Variants in B4GALT6 observed in about 807,000 individuals in gnomAD.
The protein encoded by B4GALT6 is beta-1,4-galactosyltransferase 6, also known as UDP-Gal:beta-GlcNAc beta-1,4-galactosyltransferase 6.
In B4GALT6, 14 loss-of-function variants were observed where a neutral mutation model predicts 46.3. The observed-to-expected ratio is 0.30, with a 90% CI of 0.20 to 0.47. The LOEUF (loss-of-function observed/expected upper bound fraction) is 0.47. Among genes scored for constraint, B4GALT6 ranks in the 20% least tolerant of loss-of-function variants. The probability of loss-of-function intolerance (pLI) is 0.99; values close to 1 mark genes in which losing one functional copy is unlikely to be tolerated. For missense variants in B4GALT6, 386 were observed against 480.1 expected (o/e 0.80, Z 1.83); for synonymous variants, 168 against 162.0 (o/e 1.04, Z -0.28).
intron 3 of B4GALT6, among the ~76,000 whole-genome samples, chr18:31,651,645 G>C (rs1474536238): frequency 6.6e-6 from 1 of 152,106 alleles, no homozygotes; most frequent in Non-Finnish European, 1.5e-5. Context: ...CCTCAGGGGA[G>C]GAGGCATTCC....
intron 1 of B4GALT6, among the ~76,000 whole-genome samples, chr18:31,674,141 T>C (rs183597964): frequency 6.5e-4 from 99 of 152,348 alleles, no homozygotes; most frequent in African/African-American, 2.2e-3. Context: ...TAATGTGTTA[T>C]GGCAGCCTTA....
At chr18:31,717,761 C>T in the B4GALT6 span, among the ~76,000 whole-genome samples, 2 of 152,018 alleles carry the variant, frequency 1.3e-5, no homozygotes, top group Non-Finnish European at 2.9e-5. Context: ...TCGAGACCAG[C>T]CTGACCAACA....
Position 31,630,890 on chromosome 18 carries a change from T to C in B4GALT6, c.776+69A>G, listed in dbSNP as rs2073778593. ...TCTCTCAGATTTAGGGACATAACGC[T>C]GCTACCATTTCAATGCTATGACTGT... On this transcript the variant is annotated intron_variant, in intron 6 of 8. Transcript: ENST00000306851. 3.3e-6 allele frequency: 5 copies of C among 1,524,726 alleles called. No individual in the cohort carries two copies. The South Asian group carries it at 3.4e-5, about 10-fold the overall frequency. 94.4% of individuals were successfully genotyped at this position (1,524,726 alleles called of 1,614,324 possible).
At chr18:31,706,928 G>T in the B4GALT6 span, among the ~76,000 whole-genome samples, 1 of 152,144 alleles carries the variant, frequency 6.6e-6, no homozygotes, top group Non-Finnish European at 1.5e-5. Flanking sequence ...TACCTAAATT[G>T]CAGGAGTTGC....
Position 31,661,729 on chromosome 18 carries a change from C to T in B4GALT6, c.233-3640G>A, listed in dbSNP as rs77223035. Among the ~76,000 whole-genome samples the T allele has an allele frequency of 9.4e-3, 1,431 of 152,162 alleles. 40 individuals are homozygous for T. In the East Asian group the frequency reaches 0.1, roughly 11 times the overall value. On this transcript the variant is annotated intron_variant, in intron 2 of 8. Coordinates refer to ENST00000306851, the MANE Select transcript of B4GALT6 (RefSeq NM_004775.5). ...AATAAGGTTGTCCTTGGATGTACAA[C>T]TATGATATAACAATATTTTAAAATA...
In B4GALT6 at chr18:31,644,633, T is replaced by C. The variant is rs561354474; in HGVS notation, c.471+722A>G. Among the ~76,000 whole-genome samples, 18 of 152,352 alleles carry C rather than the reference T, an allele frequency of 1.2e-4. No individual in the cohort carries two copies. In the East Asian group the frequency reaches 3.3e-3, roughly 28 times the overall value. ...CAAACGTAGTAACATTAGATGAATA[T>C]GCACTTGTTAACCAATTTCACAGCT... On this transcript the variant is annotated intron_variant, in intron 4 of 8. Coordinates refer to ENST00000306851, the MANE Select transcript of B4GALT6 (RefSeq NM_004775.5).
intron 4 of B4GALT6, among the ~76,000 whole-genome samples, chr18:31,642,141 T>C (rs953755181): frequency 3.9e-5 from 6 of 152,200 alleles, no homozygotes; most frequent in East Asian, 1.9e-4. Context: ...TTCCCACCAA[T>C]AGAATCAGAA....
chr18:31,626,213 A>G (rs982176647), intron 8 of B4GALT6, 70 bp downstream of exon 8: 1 of 914,744 alleles, frequency 1.1e-6, no homozygotes, highest in Non-Finnish European at 1.6e-6. Context: ...GGTTCAATGC[A>G]TTTTTATTTA....
At chr18:31,661,046 G>T (rs936813817) in intron 2 of B4GALT6, among the ~76,000 whole-genome samples, 5 of 152,176 alleles carry the variant, frequency 3.3e-5, no homozygotes, top group Admixed American at 2.6e-4. Flanking sequence ...ATCAGCGATA[G>T]ATTAAGACGG....
intron 4 of B4GALT6, 98 bp downstream of exon 4, chr18:31,645,255 CAA>C: frequency 6.7e-7 from 1 of 1,489,080 alleles, no homozygotes; most frequent in East Asian, 2.3e-5. Context: ...TTAAATTTAT[CAA>C]GACTTAAAGA....
chr18:31,720,912 G>A, the B4GALT6 span, among the ~76,000 whole-genome samples: 1 of 152,160 alleles, frequency 6.6e-6, no homozygotes, highest in African/African-American at 2.4e-5. Flanking sequence ...TGAGGCAGGG[G>A]GAAGTGTTTA....
chr18:31,648,419 G>C (rs541129474), intron 3 of B4GALT6, among the ~76,000 whole-genome samples: 1 of 152,324 alleles, frequency 6.6e-6, no homozygotes, highest in East Asian at 1.9e-4. Context: ...CAGGAGAACT[G>C]AGTGTCTGAA....
chr18:31,678,336 T>C (rs2074438901), intron 1 of B4GALT6, among the ~76,000 whole-genome samples: 1 of 151,972 alleles, frequency 6.6e-6, no homozygotes, highest in African/African-American at 2.4e-5. Context: ...TTTTTTTTCC[T>C]CTCTCTCTCT....
the B4GALT6 span, among the ~76,000 whole-genome samples, chr18:31,705,885 A>T: frequency 1.3e-5 from 2 of 152,296 alleles, no homozygotes; most frequent in East Asian, 3.9e-4. Flanking sequence ...CGTTTTTCTG[A>T]AATGCCTATA....
At chr18:31,693,742 A>C in the B4GALT6 span, among the ~76,000 whole-genome samples, 1 of 152,092 alleles carries the variant, frequency 6.6e-6, no homozygotes, top group African/African-American at 2.4e-5. Flanking sequence ...CTGAGGTGGG[A>C]GGATTGCTTG....
intron 3 of B4GALT6, 78 bp from the exon 4 acceptor site, chr18:31,645,557 G>A (rs769009688): frequency 1.0e-5 from 15 of 1,433,448 alleles, no homozygotes; most frequent in African/African-American, 2.9e-5. Flanking sequence ...TAATCAGCAG[G>A]GTGATGGCAT....
At chr18:31,676,917 T>C (rs1195650492) in intron 1 of B4GALT6, among the ~76,000 whole-genome samples, 1 of 152,212 alleles carries the variant, frequency 6.6e-6, no homozygotes, top group African/African-American at 2.4e-5. Flanking sequence ...CTATTTCTTG[T>C]AGTAATTCTC....
At chr18:31,633,782 C>G (rs1302135574) in intron 5 of B4GALT6, among the ~76,000 whole-genome samples, 1 of 152,178 alleles carries the variant, frequency 6.6e-6, no homozygotes, top group Non-Finnish European at 1.5e-5. Context: ...TCTCACCTCC[C>G]CAGAGAGGCC....
intron 4 of B4GALT6, among the ~76,000 whole-genome samples, chr18:31,643,377 C>T (rs961381773): frequency 2.0e-5 from 3 of 152,174 alleles, no homozygotes; most frequent in Non-Finnish European, 4.4e-5. Flanking sequence ...CGGCTCACTG[C>T]AGCTTCCACA....
Sources: allele counts gnomAD v4.1 joint callset (sites outside exome capture counted in the v4.1 genomes callset), GRCh38; gene constraint gnomAD v4.1.1; transcripts MANE v1.5; gene names NCBI Gene and HGNC (gene_info 2026-07-23, HGNC 2026-07-21).